PRKX: variants seen among roughly 807,000 people sequenced by gnomAD.
PRKX encodes the protein protein kinase cAMP-dependent X-linked catalytic subunit.
A neutral mutation model predicts 22.0 loss-of-function variants in PRKX; 12 were observed. The ratio of observed to expected loss-of-function variants is 0.54; its 90% CI spans 0.35 to 0.88. The LOEUF (loss-of-function observed/expected upper bound fraction) is 0.88. Among genes scored for constraint, PRKX ranks in the 40% least tolerant of loss-of-function variants. PRKX has a pLI of 0.01. For synonymous variants in PRKX, 134 were observed against 137.7 expected, an observed-to-expected ratio of 0.97 and a Z score of 0.19; for missense variants, 217 against 308.0, an observed-to-expected ratio of 0.70 and a Z score of 2.21.
intron 1 of PRKX, among the ~76,000 whole-genome samples, chrX:3,699,085 G>A (rs1277117977): frequency 2.1e-4 from 22 of 103,697 alleles, no homozygotes; most frequent in African/African-American, 7.8e-4. Context: ...CGCCCAGGCT[G>A]GAGTACAGCG....
At chrX:3,700,749 T>TTGTTG (rs1555898377) in intron 1 of PRKX, among the ~76,000 whole-genome samples, 3 of 105,468 alleles carry the variant, frequency 2.8e-5, no homozygotes, top group African/African-American at 1.1e-4. Flanking sequence ...CAGCTAATTG[T>TTGTTG]TTGTTGTTGT....
intron 4 of PRKX, among the ~76,000 whole-genome samples, chrX:3,631,898 CTT>C (rs1367395094): frequency 8.9e-6 from 1 of 112,738 alleles, no homozygotes; most frequent in Non-Finnish European, 1.9e-5. Context: ...ATAAAGTTCT[CTT>C]GTTTAAACCT....
At chrX:3,700,595 T>C (rs769163252) in intron 1 of PRKX, among the ~76,000 whole-genome samples, 1 of 111,034 alleles carries the variant, frequency 9.0e-6, no homozygotes, top group Non-Finnish European at 1.9e-5. Context: ...TTTCTTTCTT[T>C]TCTTTCATGG....
At chrX:3,690,506 C>T (rs1274294820) in intron 1 of PRKX, among the ~76,000 whole-genome samples, 5 of 112,133 alleles carry the variant, frequency 4.5e-5, no homozygotes. Context: ...CCAAGGTGGG[C>T]GGATCACTTG....
At chrX:3,701,967 A>G (rs187732096) in intron 1 of PRKX, among the ~76,000 whole-genome samples, 127 of 112,283 alleles carry the variant, frequency 1.1e-3, no homozygotes, top group African/African-American at 3.7e-3. Flanking sequence ...GGCAACCAGC[A>G]GCCCTCGAAG....
At chrX:3,704,238 A>C (rs1928637817) in intron 1 of PRKX, among the ~76,000 whole-genome samples, 1 of 111,923 alleles carries the variant, frequency 8.9e-6, no homozygotes, top group Non-Finnish European at 1.9e-5. Context: ...GGGCCTGCCA[A>C]GTTTACCCGC....
chrX:3,608,368 TG>T lies in PRKX; in HGVS notation c.*600del, dbSNP rs2146551654. 1 of 110,553 alleles carries T rather than the reference TG, an allele frequency of 9.0e-6. No homozygotes were observed. Among genetic ancestry groups the T allele is most frequent in the South Asian group, 3.9e-4 (1 of 2,540 alleles). The allele number at this position is 110,553 out of a possible 1,213,427, so 9.1% of individuals were successfully genotyped here. A position where few individuals can be genotyped will look rare whatever the true frequency, so the allele number is the denominator to read the frequency against. Reference sequence around the variant, plus strand: ...AAGATACTGAAGGTAGACCTCCCCATGATATTTTCTTCCCCAAAACTATAAA... The same window carrying T: ...AAGATACTGAAGGTAGACCTCCCCATATATTTTCTTCCCCAAAACTATAAA... On this transcript the variant is annotated 3_prime_UTR_variant, in exon 9 of 9. Coordinates refer to ENST00000262848, the MANE Select transcript of PRKX (RefSeq NM_005044.5).
At chrX:3,705,292 T>C (rs756752611) in intron 1 of PRKX, among the ~76,000 whole-genome samples, 1 of 111,500 alleles carries the variant, frequency 9.0e-6, no homozygotes, top group African/African-American at 3.3e-5. Flanking sequence ...GGGTCCCTTT[T>C]ATAAGGACAT....
At chrX:3,663,468 A>ACACACACACACACACACAC (rs552837211) in intron 2 of PRKX, among the ~76,000 whole-genome samples, 2 of 53,662 alleles carry the variant, frequency 3.7e-5, no homozygotes, top group Non-Finnish European at 6.4e-5. Context: ...ACACACACAC[A>ACACACACACACACACACAC]AAAAAATTCA....
intron 4 of PRKX, among the ~76,000 whole-genome samples, chrX:3,640,113 T>G (rs1478599278): frequency 4.4e-4 from 48 of 109,853 alleles, no homozygotes; most frequent in African/African-American, 1.6e-3. Context: ...ATCTGGCTTT[T>G]GCGACAATGG....
chrX:3,637,286 C>T (rs907563102), intron 4 of PRKX, among the ~76,000 whole-genome samples: 4 of 111,486 alleles, frequency 3.6e-5, no homozygotes, highest in Admixed American at 2.9e-4. Flanking sequence ...ACAGGCAGAC[C>T]GTCTCAGAAC....
Position 3,650,883 on chromosome X carries a change from A to G in PRKX, c.599+4266T>C, listed in dbSNP as rs1270210905. ...GACAGAGTAAGACCCTGTCTTTAAA[A>G]AAAAAAAAAAAAAAAAAAAAAAATT... On this transcript the variant is annotated intron_variant, in intron 3 of 8. Coordinates refer to ENST00000262848, the MANE Select transcript of PRKX (RefSeq NM_005044.5). Among the ~76,000 whole-genome samples the G allele has an allele frequency of 6.8e-5, 4 of 58,816 alleles. 1 individual carries two copies. The highest frequency in any genetic ancestry group is 1.7e-4 in the African/African-American group (4 of 24,212). The allele number at this position is 58,816 out of a possible 115,157, so 51.1% of individuals were successfully genotyped here.
rs146727234 is a variant in PRKX, at chrX:3,648,105, G to A, written c.600-6134C>T. ...ATTCCACTGCACAGACAGAGCTCCT[G>A]GCCAATTTTAACCAGTTCACAAAGC... is the stretch of plus-strand genomic sequence containing the variant. On this transcript the variant is annotated intron_variant, in intron 3 of 8. Transcript: ENST00000262848. 9.3e-3 allele frequency among the ~76,000 whole-genome samples: 1,039 copies of A among 111,902 alleles called. 13 individuals carry two copies. Among genetic ancestry groups the A allele is most frequent in the African/African-American group, 0.032 (978 of 30,815 alleles).
chrX:3,701,650 G>A (rs145388024), intron 1 of PRKX, among the ~76,000 whole-genome samples: 17 of 112,126 alleles, frequency 1.5e-4, no homozygotes, highest in Non-Finnish European at 2.3e-4. Context: ...AGCCTGTTGG[G>A]CTGCATGCCC....
intron 1 of PRKX, among the ~76,000 whole-genome samples, chrX:3,689,805 G>A (rs757433651): frequency 9.9e-4 from 110 of 111,378 alleles, no homozygotes; most frequent in East Asian, 5.4e-3. Context: ...GTGAAACCCT[G>A]TCTCCACTAA....
At position 3,636,835 on chromosome X, in the gene PRKX, T is replaced by A. The variant is rs184826634; in HGVS notation, c.719+5017A>T. Among the ~76,000 whole-genome samples the A allele has an allele frequency of 4.9e-4, 54 of 110,508 alleles. No individual in the cohort carries two copies. In the East Asian group the frequency reaches 0.015, roughly 31 times the overall value. ...AGATTTGCGCCACTGCAGTCCAGCC[T>A]GGGTGACAGAGCGAGACAAGAAAGC... On this transcript the variant is annotated intron_variant, in intron 4 of 8. Coordinates refer to ENST00000262848, the MANE Select transcript of PRKX (RefSeq NM_005044.5).
At chrX:3,612,132 C>T (rs1926308169) in intron 8 of PRKX, 45 bp downstream of exon 8, 2 of 1,130,226 alleles carry the variant, frequency 1.8e-6, no homozygotes, top group Admixed American at 2.4e-5. Context: ...GATGTGGGGT[C>T]GAGTCAGTCT....
intron 4 of PRKX, among the ~76,000 whole-genome samples, chrX:3,638,465 C>A (rs979203871): frequency 8.9e-6 from 1 of 111,745 alleles, no homozygotes; most frequent in East Asian, 2.8e-4. Context: ...CAATGCTGCC[C>A]TCGTGTGGTC....
At chrX:3,625,705 G>A (rs182008405) in intron 5 of PRKX, among the ~76,000 whole-genome samples, 1 of 110,141 alleles carries the variant, frequency 9.1e-6, no homozygotes, top group African/African-American at 3.3e-5. Context: ...CCAAGTAGCT[G>A]AGACTACAGG....
Sources: allele counts gnomAD v4.1 joint callset (sites outside exome capture counted in the v4.1 genomes callset), GRCh38; gene constraint gnomAD v4.1.1; transcripts MANE v1.5; gene names NCBI Gene and HGNC (gene_info 2026-07-23, HGNC 2026-07-21).